CATSPERB: variants seen among roughly 807,000 people sequenced by gnomAD.
CATSPERB encodes the protein cation channel sperm-associated auxiliary subunit beta.
A neutral mutation model predicts 128.3 loss-of-function variants in CATSPERB; 93 were observed. The ratio of observed to expected loss-of-function variants is 0.72; its 90% confidence interval spans 0.61 to 0.86. The LOEUF (loss-of-function observed/expected upper bound fraction) is 0.86. Among genes scored for constraint, CATSPERB ranks in the 40% least tolerant of loss-of-function variants. The pLI, the probability that CATSPERB is intolerant of heterozygous loss-of-function variation, is 0.00. For missense variants in CATSPERB, 1,153 were observed against 1,329.5 expected, an observed-to-expected ratio of 0.87 and a Z score of 2.06; for synonymous variants, 381 against 448.8, an observed-to-expected ratio of 0.85 and a Z score of 1.91.
At chr14:91,651,630 C>T (rs1441629725) in intron 15 of CATSPERB, among the ~76,000 whole-genome samples, 1 of 152,162 alleles carries the variant, frequency 6.6e-6, no homozygotes, top group Non-Finnish European at 1.5e-5. Context: ...CAGATGACCA[C>T]TTATGCCTGG....
At position 91,670,036 on chromosome 14, in the gene CATSPERB, G is replaced by A. The variant is rs1051863321; in HGVS notation, c.1129-64C>T. Reference sequence around the variant, plus strand: ...TGTGTTACAAATTTTAGAATTTCCTGTTACTTGCATTTTGATTAAGAGAGA... The same window carrying A: ...TGTGTTACAAATTTTAGAATTTCCTATTACTTGCATTTTGATTAAGAGAGA... On this transcript the variant is annotated intron_variant, in intron 13 of 26. Coordinates refer to ENST00000256343, the MANE Select transcript of CATSPERB (RefSeq NM_024764.4). 55 of 1,395,476 alleles carry A rather than the reference G, an allele frequency of 3.9e-5. No individual in the cohort carries two copies. In the Middle Eastern group the frequency reaches 9.3e-4, roughly 23 times the overall value. 86.4% of individuals were successfully genotyped at this position (1,395,476 alleles called of 1,614,324 possible).
intron 15 of CATSPERB, among the ~76,000 whole-genome samples, chr14:91,659,623 T>A (rs568159761): frequency 3.3e-5 from 5 of 152,308 alleles, no homozygotes; most frequent in Admixed American, 3.3e-4. Flanking sequence ...CAGTAAAATA[T>A]CTCTGAAATG....
intron 22 of CATSPERB, among the ~76,000 whole-genome samples, chr14:91,603,813 T>C (rs1044108501): frequency 3.3e-5 from 5 of 152,130 alleles, no homozygotes; most frequent in African/African-American, 1.2e-4. Context: ...ACTAGTGGGA[T>C]GGTGCTAAAC....
chr14:91,661,402 A>T (rs965437676), intron 14 of CATSPERB, among the ~76,000 whole-genome samples: 1 of 151,894 alleles, frequency 6.6e-6, no homozygotes, highest in Non-Finnish European at 1.5e-5. Flanking sequence ...AGTTGTACCC[A>T]AATTTTCACT....
intron 6 of CATSPERB, among the ~76,000 whole-genome samples, chr14:91,707,766 C>CTTT (rs76649759): frequency 7.8e-6 from 1 of 128,038 alleles, no homozygotes; most frequent in Non-Finnish European, 1.7e-5. Flanking sequence ...GCCTGGTTAA[C>CTTT]TTTTTTTTTT....
chr14:91,610,351 AT>A, intron 21 of CATSPERB, 128 bp downstream of exon 21: 1 of 665,868 alleles, frequency 1.5e-6, no homozygotes, highest in Non-Finnish European at 2.5e-6. Context: ...TGACATGAGG[AT>A]TAAAAAATAA....
At chr14:91,660,157 C>T (rs546212132) in intron 14 of CATSPERB, among the ~76,000 whole-genome samples, 176 bp from the exon 15 acceptor site, 1 of 152,074 alleles carries the variant, frequency 6.6e-6, no homozygotes, top group South Asian at 2.1e-4. Context: ...CGTATACAGA[C>T]TCCTTATCTA....
rs895302194 is a variant in CATSPERB at position 91,589,686 on chromosome 14, A to C, written c.2821-17T>G. ...GCGAGGAACCTAAAATACAAATTCC[A>C]AGAATGAATGTAAACTTGGGAAAGT... is the stretch of plus-strand genomic sequence containing the variant. On this transcript the variant is annotated splice_polypyrimidine_tract_variant and intron_variant, in intron 23 of 26. Coordinates refer to ENST00000256343, the MANE Select transcript of CATSPERB (RefSeq NM_024764.4). 2 of 1,607,282 alleles carry C rather than the reference A, an allele frequency of 1.2e-6. No homozygotes were observed. The highest frequency in any genetic ancestry group is 1.7e-6 in the Non-Finnish European group (2 of 1,176,216).
chr14:91,624,146 G>C (rs1894106322), intron 18 of CATSPERB, among the ~76,000 whole-genome samples: 1 of 152,296 alleles, frequency 6.6e-6, no homozygotes, highest in Non-Finnish European at 1.5e-5. Flanking sequence ...TCAGGAGTTT[G>C]AGACCAGCCT....
At chr14:91,727,559 A>G (rs1454146647) in intron 2 of CATSPERB, among the ~76,000 whole-genome samples, 2 of 152,240 alleles carry the variant, frequency 1.3e-5, no homozygotes, top group Admixed American at 6.5e-5. Flanking sequence ...TTATAATGTT[A>G]AACAGTTTTC....
At chr14:91,633,593 A>G (rs1029886152) in intron 17 of CATSPERB, among the ~76,000 whole-genome samples, 2 of 152,126 alleles carry the variant, frequency 1.3e-5, no homozygotes, top group African/African-American at 4.8e-5. Flanking sequence ...GGTAATATAC[A>G]ATGTCAAAGA....
At chr14:91,661,268 C>G (rs1894876470) in intron 14 of CATSPERB, among the ~76,000 whole-genome samples, 1 of 152,034 alleles carries the variant, frequency 6.6e-6, no homozygotes, top group Non-Finnish European at 1.5e-5. Flanking sequence ...CAATGTATCT[C>G]AGATCATTTT....
At chr14:91,678,202 C>G (rs1456014587) in intron 11 of CATSPERB, among the ~76,000 whole-genome samples, 1 of 151,660 alleles carries the variant, frequency 6.6e-6, no homozygotes, top group Non-Finnish European at 1.5e-5. Context: ...ATGTAACGAG[C>G]CTACACGTTC....
chr14:91,717,252 G>GC (rs1265519024), intron 5 of CATSPERB, among the ~76,000 whole-genome samples: 6 of 152,224 alleles, frequency 3.9e-5, no homozygotes, highest in African/African-American at 1.4e-4. Flanking sequence ...TGACTTTATT[G>GC]CCTGATGGAA....
chr14:91,616,351 T>A (rs1358726707), intron 20 of CATSPERB, among the ~76,000 whole-genome samples: 2 of 152,150 alleles, frequency 1.3e-5, no homozygotes, highest in Non-Finnish European at 2.9e-5. Flanking sequence ...AAAAGAAAAA[T>A]GCTGAAGAGC....
intron 7 of CATSPERB, among the ~76,000 whole-genome samples, chr14:91,701,668 T>C (rs7151402): frequency 0.015 from 2,275 of 152,196 alleles, 57 homozygotes; most frequent in African/African-American, 0.051. Flanking sequence ...TAAGTCCAAA[T>C]TGGAGTACAT....
intron 19 of CATSPERB, 112 bp downstream of exon 19, chr14:91,621,496 C>T: frequency 2.4e-6 from 2 of 830,034 alleles, no homozygotes; most frequent in Non-Finnish European, 1.9e-6. Context: ...TAGTAGAATG[C>T]CAACAAGTAT....
At chr14:91,645,809 C>G (rs1268010101) in intron 15 of CATSPERB, among the ~76,000 whole-genome samples, 2 of 150,228 alleles carry the variant, frequency 1.3e-5, no homozygotes, top group Non-Finnish European at 1.5e-5. Context: ...CCCCCAGCCT[C>G]GCTGCTGCCT....
At chr14:91,688,207 C>T in intron 10 of CATSPERB, among the ~76,000 whole-genome samples, 1 of 152,088 alleles carries the variant, frequency 6.6e-6, no homozygotes, top group Admixed American at 6.6e-5. Flanking sequence ...TGAATAATCT[C>T]TTGTCTGGAA....
Sources: allele counts gnomAD v4.1 joint callset (sites outside exome capture counted in the v4.1 genomes callset), GRCh38; gene constraint gnomAD v4.1.1; transcripts MANE v1.5; gene names NCBI Gene and HGNC (gene_info 2026-07-23, HGNC 2026-07-21).